CNTLN: variants seen among roughly 807,000 people sequenced by gnomAD.
CNTLN encodes the protein centlein, centrosomal protein.
A neutral mutation model predicts 180.0 loss-of-function variants in CNTLN; 212 were observed. The ratio of observed to expected loss-of-function variants is 1.18; its 90% CI spans 1.05 to 1.32. The LOEUF is 1.32. Among genes scored for constraint, CNTLN ranks in the 40% most tolerant of loss-of-function variants. CNTLN has a pLI of 0.00. For missense variants in CNTLN, 2,095 were observed against 1,610.9 expected, an observed-to-expected ratio of 1.30 and a Z score of -5.14; for synonymous variants, 722 against 563.1, an observed-to-expected ratio of 1.28 and a Z score of -3.99.
At chr9:17,189,074 T>G (rs141941602) in intron 2 of CNTLN, among the ~76,000 whole-genome samples, 1 of 78,594 alleles carries the variant, frequency 1.3e-5, no homozygotes. Flanking sequence ...TGGGACTTAG[T>G]TTTTTTTTTT....
chr9:17,153,151 G>A (rs1255800578), intron 2 of CNTLN, among the ~76,000 whole-genome samples: 4 of 152,064 alleles, frequency 2.6e-5, no homozygotes, highest in Non-Finnish European at 4.4e-5. Context: ...CACTTAGCCC[G>A]TTTACATTTA....
At chr9:17,243,514 C>T (rs78737985) in intron 5 of CNTLN, among the ~76,000 whole-genome samples, 31,253 of 151,908 alleles carry the variant, frequency 0.21, 4,081 homozygotes, top group African/African-American at 0.36. Context: ...GGTGTGTTTC[C>T]GTTATCATTT....
chr9:17,241,697 T>C (rs1475558365), intron 5 of CNTLN, among the ~76,000 whole-genome samples: 1 of 140,348 alleles, frequency 7.1e-6, no homozygotes, highest in Admixed American at 6.9e-5. Context: ...GGTATTTCTT[T>C]CCATTTTTTT....
At chr9:17,135,482 G>C in intron 1 of CNTLN, 57 bp downstream of exon 1, 1 of 1,528,882 alleles carries the variant, frequency 6.5e-7, no homozygotes, top group Non-Finnish European at 8.8e-7. Context: ...GGGACCCGTG[G>C]GGAGGCGCGC....
intron 25 of CNTLN, among the ~76,000 whole-genome samples, chr9:17,490,688 A>G (rs571994208): frequency 6.6e-6 from 1 of 152,206 alleles, no homozygotes; most frequent in Non-Finnish European, 1.5e-5. Flanking sequence ...CTAAAAACCA[A>G]TGATTTATAT....
chr9:17,428,526 T>G (rs1296862973), intron 18 of CNTLN, among the ~76,000 whole-genome samples: 1 of 152,190 alleles, frequency 6.6e-6, no homozygotes, highest in Non-Finnish European at 1.5e-5. Flanking sequence ...TTGTATTTAT[T>G]TTTTGAAAAA....
chr9:17,225,513 A>T (rs946232850), intron 2 of CNTLN, among the ~76,000 whole-genome samples: 2 of 152,028 alleles, frequency 1.3e-5, no homozygotes, highest in East Asian at 3.9e-4. Context: ...TGTCCAATCA[A>T]TTTCCCCTTA....
Position 17,502,631 on chromosome 9 carries a change from A to G in CNTLN, c.4200A>G (p.Thr1400=), listed in dbSNP as rs759440301. The G allele has an allele frequency of 7.5e-7, 1 of 1,328,040 alleles. No homozygotes were observed. The highest frequency in any genetic ancestry group is 2.4e-5 in the Admixed American group (1 of 41,846). 82.3% of individuals were successfully genotyped at this position (1,328,040 alleles called of 1,614,324 possible). A position where few individuals can be genotyped will look rare whatever the true frequency, so the allele number is the denominator to read the frequency against. Residue 1400 remains threonine (T), a synonymous_variant, in exon 26 of 26, where the codon ACA becomes ACG. Coordinates refer to ENST00000380647, the MANE Select transcript of CNTLN (RefSeq NM_017738.4). ...AGAAACTAGTTGAAGGATATTTCAC[A>G]ATTATGAAAGATATTAGATGATATT... ...EKKKLVEGYF[T]IMKDIR
At chr9:17,491,473 T>C (rs1588107172) in intron 25 of CNTLN, among the ~76,000 whole-genome samples, 1 of 152,136 alleles carries the variant, frequency 6.6e-6, no homozygotes, top group Non-Finnish European at 1.5e-5. Context: ...TACATAGTTA[T>C]AACCAGAGTG....
intron 13 of CNTLN, among the ~76,000 whole-genome samples, chr9:17,370,706 A>C (rs1205021191): frequency 2.6e-5 from 4 of 152,194 alleles, no homozygotes; most frequent in Non-Finnish European, 5.9e-5. Flanking sequence ...AAGTAGAAAG[A>C]CTTAAAGATG....
At chr9:17,379,991 T>G (rs987738902) in intron 13 of CNTLN, among the ~76,000 whole-genome samples, 1 of 152,196 alleles carries the variant, frequency 6.6e-6, no homozygotes, top group African/African-American at 2.4e-5. Flanking sequence ...TTAGCTGAAC[T>G]GGAGACAGCT....
chr9:17,168,716 T>C (rs986286682), intron 2 of CNTLN, among the ~76,000 whole-genome samples: 2 of 152,234 alleles, frequency 1.3e-5, no homozygotes, highest in South Asian at 2.1e-4. Flanking sequence ...CAGGTATCTA[T>C]TTATTTTGTT....
chr9:17,268,952 C>A (rs1427294857), intron 5 of CNTLN, among the ~76,000 whole-genome samples: 1 of 151,986 alleles, frequency 6.6e-6, no homozygotes, highest in Non-Finnish European at 1.5e-5. Context: ...CTTTCTTTGA[C>A]TAGGAAAGGG....
In CNTLN at chr9:17,281,994, C is replaced by T. The variant is rs567009504; in HGVS notation, c.983+8128C>T. Among the ~76,000 whole-genome samples, 14 of 152,182 alleles carry T rather than the reference C, an allele frequency of 9.2e-5. No individual in the cohort carries two copies. In the South Asian group the frequency reaches 1.0e-3, roughly 11 times the overall value. On this transcript the variant is annotated intron_variant, in intron 6 of 25. Coordinates refer to ENST00000380647, the MANE Select transcript of CNTLN (RefSeq NM_017738.4). ...TTTTGTTTGTTTTGAGACGAAGTCTCGCTCTGTTGCCAGGCTGGAGTGCAG... is the reference window on the plus strand; with the variant it reads ...TTTTGTTTGTTTTGAGACGAAGTCTTGCTCTGTTGCCAGGCTGGAGTGCAG...
intron 13 of CNTLN, among the ~76,000 whole-genome samples, chr9:17,376,483 G>A (rs1471144911): frequency 7.6e-5 from 11 of 144,816 alleles, no homozygotes; most frequent in Admixed American, 6.3e-4. Context: ...ACGGAGTCTC[G>A]CTCTGTCCCT....
intron 18 of CNTLN, among the ~76,000 whole-genome samples, chr9:17,449,682 A>T (rs1325780504): frequency 6.6e-6 from 1 of 152,190 alleles, no homozygotes. Context: ...TGTTTTTACT[A>T]TCCATTATTT....
chr9:17,352,945 T>C (rs1308641585), intron 12 of CNTLN, among the ~76,000 whole-genome samples: 1 of 152,198 alleles, frequency 6.6e-6, no homozygotes, highest in Non-Finnish European at 1.5e-5. Flanking sequence ...CCACAATTTG[T>C]TTCTCCATTA....
intron 23 of CNTLN, among the ~76,000 whole-genome samples, chr9:17,467,483 C>G (rs1198183461): frequency 6.6e-6 from 1 of 151,580 alleles, no homozygotes; most frequent in African/African-American, 2.4e-5. Context: ...GAGGAAATTC[C>G]TTACTTTGCT....
chr9:17,446,035 C>A (rs977411570), intron 18 of CNTLN, among the ~76,000 whole-genome samples: 1 of 152,170 alleles, frequency 6.6e-6, no homozygotes, highest in South Asian at 2.1e-4. Flanking sequence ...GCACTTAATC[C>A]TTTACATTGT....
Sources: gnomAD v4.1 joint callset for allele counts (sites outside exome capture counted in the v4.1 genomes callset) on GRCh38, gnomAD v4.1.1 for gene constraint, MANE v1.5 for transcripts, NCBI Gene and HGNC (gene_info 2026-07-23, HGNC 2026-07-21) for gene names.